Variants in ADAMTS17 observed in about 807,000 individuals in gnomAD.
ADAMTS17 encodes ADAM metallopeptidase with thrombospondin type 1 motif 17.
ADAMTS17 carries 113 observed loss-of-function variants against 141.5 expected under a neutral mutation model. The observed-to-expected ratio is 0.80, with a 90% CI of 0.69 to 0.93. The LOEUF (loss-of-function observed/expected upper bound fraction) is 0.93, where lower values mean the gene tolerates loss of function less well. ADAMTS17 is among the 40% of genes least tolerant of loss of function. The pLI, the probability that ADAMTS17 is intolerant of heterozygous loss-of-function variation, is 0.00. For missense variants in ADAMTS17, 1,659 were observed against 1,517.9 expected (o/e 1.09, Z -1.54); for synonymous variants, 768 against 630.6 (o/e 1.22, Z -3.27).
chr15:99,988,561 G>C (rs114064718), intron 20 of ADAMTS17, among the ~76,000 whole-genome samples: 134 of 152,274 alleles, frequency 8.8e-4, no homozygotes, highest in African/African-American at 3.1e-3. Context: ...ATGTCACAGA[G>C]GCCCTCACAT....
intron 7 of ADAMTS17, among the ~76,000 whole-genome samples, chr15:100,237,047 C>G (rs2042679502): frequency 6.6e-6 from 1 of 152,168 alleles, no homozygotes; most frequent in African/African-American, 2.4e-5. Flanking sequence ...TCTGAAGCTG[C>G]AAGCCAAATT....
rs775829862 is a variant in ADAMTS17, at chr15:99,976,070, G to A, written c.3102C>T (p.Ala1034=). The change falls in exon 21 of 22, where the codon GCC becomes GCT. Residue 1034 remains alanine (A), a synonymous_variant. Coordinates refer to ENST00000268070, the MANE Select transcript of ADAMTS17 (RefSeq NM_139057.4). ...CAAGGCGGGGGGAGGTGATGGTGTT[G>A]GCGTTGATCCTGTCGTTGCAGACCT... The part of the protein sequence containing the change: ...YQEVCNDRIN[A]NTITSPRLAA... The A allele has an allele frequency of 9.7e-6, 15 of 1,551,356 alleles. No individual in the cohort carries two copies. Among genetic ancestry groups the A allele is most frequent in the African/African-American group, 1.4e-5 (1 of 73,068 alleles).
At chr15:100,247,035 C>T (rs1168493174) in intron 7 of ADAMTS17, among the ~76,000 whole-genome samples, 2 of 152,128 alleles carry the variant, frequency 1.3e-5, no homozygotes, top group Non-Finnish European at 2.9e-5. Context: ...AGACACCCAC[C>T]ACCACACCCG....
intron 8 of ADAMTS17, among the ~76,000 whole-genome samples, chr15:100,157,203 C>T (rs532879452): frequency 2.6e-5 from 4 of 152,124 alleles, no homozygotes; most frequent in South Asian, 2.1e-4. Context: ...GTCCCTCCCT[C>T]GACACATTGG....
chr15:100,333,120 CCT>C (rs1364715588), intron 2 of ADAMTS17, among the ~76,000 whole-genome samples: 1 of 152,190 alleles, frequency 6.6e-6, no homozygotes, highest in Non-Finnish European at 1.5e-5. Flanking sequence ...CTCTCCCTGA[CCT>C]CTCTTCCCTA....
rs576540221 is a variant in ADAMTS17 at position 100,324,469 on chromosome 15, C to G, written c.616+6420G>C. On this transcript the variant is annotated intron_variant, in intron 3 of 21. Coordinates refer to ENST00000268070, the MANE Select transcript of ADAMTS17 (RefSeq NM_139057.4). ...TTACACCTGCTACATTCATTTATGT[C>G]TTTACTGCCTATCTCCCCCACCAAA... Among the ~76,000 whole-genome samples, 26 of 152,206 alleles carry G rather than the reference C, an allele frequency of 1.7e-4. No homozygotes were observed. In the South Asian group the frequency reaches 5.0e-3, roughly 29 times the overall value.
At chr15:100,077,180 A>G (rs1256621881) in intron 15 of ADAMTS17, among the ~76,000 whole-genome samples, 3 of 146,566 alleles carry the variant, frequency 2.0e-5, no homozygotes, top group Non-Finnish European at 4.5e-5. Flanking sequence ...ACACTGGCTA[A>G]CCCCTGTAAT....
intron 10 of ADAMTS17, among the ~76,000 whole-genome samples, chr15:100,145,463 G>C (rs1260467585): frequency 2.0e-5 from 3 of 152,184 alleles, no homozygotes; most frequent in Non-Finnish European, 4.4e-5. Context: ...GAATACTGCT[G>C]AGAATTTTGC....
rs146148782 is a variant in ADAMTS17 at position 100,229,451 on chromosome 15, T to C, written c.1075+24685A>G. Reference sequence around the variant, plus strand: ...TCTTGGTCCATGGGACAATCACTCTTATTTCAGTGGCTTCTGTTCTATGAC... The same window carrying C: ...TCTTGGTCCATGGGACAATCACTCTCATTTCAGTGGCTTCTGTTCTATGAC... On this transcript the variant is annotated intron_variant, in intron 7 of 21. Transcript: ENST00000268070. 9.4e-4 allele frequency among the ~76,000 whole-genome samples: 143 copies of C among 152,314 alleles called. No homozygotes were observed. The Middle Eastern group carries it at 0.014, about 14-fold the overall frequency.
intron 2 of ADAMTS17, among the ~76,000 whole-genome samples, chr15:100,339,414 AATG>A (rs900299588): frequency 1.3e-5 from 2 of 152,214 alleles, no homozygotes; most frequent in African/African-American, 4.8e-5. Context: ...TGTACAGTAC[AATG>A]ATGTGACTTA....
Position 99,997,574 on chromosome 15 carries a change from C to G in ADAMTS17, c.2607G>C (p.Pro869=), listed in dbSNP as rs151305163. ...CACAGGTCGCCGAGCAGGGGCTCCA[C>G]GGGCCTGCCACCCACCTGCCAGACG... ...HPCQSRWVAG[P]WSPCSATCEK... The change falls in exon 19 of 22, where the codon CCG becomes CCC. Residue 869 remains proline, a synonymous_variant. Coordinates refer to ENST00000268070, the MANE Select transcript of ADAMTS17 (RefSeq NM_139057.4). This position sits in a 1 kb window ranked among gnomAD's most constrained non-coding sequence, Gnocchi z 4.7. The G allele has an allele frequency of 1.9e-6, 3 of 1,612,422 alleles. No individual in the cohort carries two copies. Among genetic ancestry groups the G allele is most frequent in the South Asian group, 2.2e-5 (2 of 91,060 alleles).
intron 3 of ADAMTS17, among the ~76,000 whole-genome samples, chr15:100,314,031 G>A (rs567469073): frequency 7.1e-6 from 1 of 140,562 alleles, no homozygotes. Flanking sequence ...CACCCCAAAC[G>A]TCACCATGAA....
chr15:100,147,159 TC>T (rs1241472842), intron 10 of ADAMTS17, among the ~76,000 whole-genome samples: 1 of 152,080 alleles, frequency 6.6e-6, no homozygotes, highest in African/African-American at 2.4e-5. Context: ...TTGGGGGGCA[TC>T]ATGGAACCTA....
intron 18 of ADAMTS17, among the ~76,000 whole-genome samples, chr15:100,048,119 G>A (rs2031853904): frequency 6.6e-6 from 1 of 152,086 alleles, no homozygotes; most frequent in South Asian, 2.1e-4. Flanking sequence ...CTAGAAAATG[G>A]AAATACTAAA....
intron 3 of ADAMTS17, among the ~76,000 whole-genome samples, chr15:100,304,284 G>A (rs975998862): frequency 9.9e-5 from 15 of 152,126 alleles, no homozygotes; most frequent in Non-Finnish European, 1.6e-4. Context: ...TGTCTTCTGG[G>A]ACCCCGTAAC....
chr15:100,338,683 G>A (rs1285263680), intron 2 of ADAMTS17, among the ~76,000 whole-genome samples: 7 of 151,950 alleles, frequency 4.6e-5, no homozygotes, highest in East Asian at 1.9e-4. Flanking sequence ...CCTCCTCCAT[G>A]GCCACCAAAA....
chr15:100,299,557 G>T (rs964532154), intron 3 of ADAMTS17, among the ~76,000 whole-genome samples: 1 of 151,580 alleles, frequency 6.6e-6, no homozygotes, highest in Non-Finnish European at 1.5e-5. Flanking sequence ...CAGCTTGGGG[G>T]AAGAAATTAA....
intron 15 of ADAMTS17, among the ~76,000 whole-genome samples, chr15:100,056,317 G>A (rs1044110584): frequency 6.6e-6 from 1 of 152,104 alleles, no homozygotes; most frequent in Non-Finnish European, 1.5e-5. Context: ...TGGGCTGGTG[G>A]GAAGGAGCAG....
intron 7 of ADAMTS17, among the ~76,000 whole-genome samples, chr15:100,239,607 T>C (rs1375813073): frequency 6.6e-6 from 1 of 152,006 alleles, no homozygotes; most frequent in African/African-American, 2.4e-5. Context: ...CAGGAGGAAG[T>C]GTTGGAGACG....
Sources: allele counts gnomAD v4.1 joint callset (sites outside exome capture counted in the v4.1 genomes callset), GRCh38; gene constraint gnomAD v4.1.1; non-coding constraint Gnocchi (gnomAD v3.1); transcripts MANE v1.5; gene names NCBI Gene and HGNC (gene_info 2026-07-23, HGNC 2026-07-21).